Variants in KCND2 observed in about 807,000 individuals in gnomAD.
KCND2 encodes the protein potassium voltage-gated channel subfamily D member 2, also known as A-type voltage-gated potassium channel KCND2.
Under a neutral mutation model 54.4 loss-of-function variants are expected in KCND2, and 16 were observed. The ratio of observed to expected loss-of-function variants is 0.29; its 90% CI spans 0.20 to 0.45. The LOEUF (loss-of-function observed/expected upper bound fraction) is 0.45. KCND2 is among the 20% of genes least tolerant of loss of function. The pLI is 1.00. For synonymous variants in KCND2, 317 were observed against 310.7 expected (o/e 1.02, Z -0.21); for missense variants, 486 against 824.2 (o/e 0.59, Z 5.02).
At chr7:120,566,748 ATT>A in intron 1 of KCND2, among the ~76,000 whole-genome samples, 1 of 34,480 alleles carries the variant, frequency 2.9e-5, no homozygotes, top group African/African-American at 8.5e-5. Context: ...TAATATATAT[ATT>A]GTATATATTA....
chr7:120,408,256 A>T (rs1276585800), intron 1 of KCND2, among the ~76,000 whole-genome samples: 1 of 151,976 alleles, frequency 6.6e-6, no homozygotes, highest in Admixed American at 6.6e-5. Context: ...GCAGAATGAG[A>T]TGTGGGTTAG....
chr7:120,535,096 A>G (rs1315578269), intron 1 of KCND2, among the ~76,000 whole-genome samples: 2 of 152,254 alleles, frequency 1.3e-5, no homozygotes, highest in Middle Eastern at 3.4e-3. Context: ...AAACCTTGCT[A>G]TTATAGTAAT....
intron 1 of KCND2, among the ~76,000 whole-genome samples, chr7:120,728,762 G>A (rs527307291): frequency 6.6e-6 from 1 of 151,902 alleles, no homozygotes; most frequent in East Asian, 1.9e-4. Context: ...CAACGACTGA[G>A]TACATAATAT....
At chr7:120,475,985 TAATC>T (rs970492834) in intron 1 of KCND2, among the ~76,000 whole-genome samples, 6 of 152,368 alleles carry the variant, frequency 3.9e-5, no homozygotes, top group African/African-American at 1.4e-4. Flanking sequence ...CCTATCATCA[TAATC>T]AATCCTTAAA....
intron 1 of KCND2, among the ~76,000 whole-genome samples, chr7:120,425,774 A>G (rs998870630): frequency 5.9e-5 from 9 of 152,248 alleles, no homozygotes; most frequent in Middle Eastern, 3.2e-3. Flanking sequence ...CCCAGTTGCC[A>G]TGCTAGAGCA....
chr7:120,461,749 TA>T (rs1195732067), intron 1 of KCND2, among the ~76,000 whole-genome samples: 9 of 151,324 alleles, frequency 5.9e-5, no homozygotes, highest in South Asian at 4.2e-4. Flanking sequence ...TTCATTTTTT[TA>T]AAAAAAAACA....
Position 120,550,359 on chromosome 7 carries a change from G to A in KCND2, c.1116-182544G>A, listed in dbSNP as rs1012414124. ...AACATTCAGCGGTAAGTCAGAAATT[G>A]ACCAGAGATTGTTATCTCTTAGCCC... On this transcript the variant is annotated intron_variant, in intron 1 of 5. Coordinates refer to ENST00000331113, the MANE Select transcript of KCND2 (RefSeq NM_012281.3). 5.3e-5 allele frequency among the ~76,000 whole-genome samples: 8 copies of A among 152,098 alleles called. No individual in the cohort carries two copies. In the South Asian group the frequency reaches 1.7e-3, roughly 32 times the overall value.
intron 1 of KCND2, among the ~76,000 whole-genome samples, chr7:120,637,203 A>G (rs565433969): frequency 1.1e-4 from 16 of 152,258 alleles, no homozygotes; most frequent in African/African-American, 3.8e-4. Context: ...AGTCTTCATA[A>G]TCTGGAATCT....
chr7:120,342,037 C>A (rs748308792), intron 1 of KCND2, among the ~76,000 whole-genome samples: 1 of 152,062 alleles, frequency 6.6e-6, no homozygotes, highest in Non-Finnish European at 1.5e-5. Context: ...CTGTAGGAAT[C>A]ATTAAGTAAT....
At chr7:120,734,536 A>G (rs183891607) in intron 2 of KCND2, among the ~76,000 whole-genome samples, 1 of 152,204 alleles carries the variant, frequency 6.6e-6, no homozygotes, top group Non-Finnish European at 1.5e-5. Flanking sequence ...CACAAACACT[A>G]TGATAAAGTG....
intron 1 of KCND2, among the ~76,000 whole-genome samples, chr7:120,615,204 GT>G (rs548064049): frequency 6.6e-6 from 1 of 151,950 alleles, no homozygotes; most frequent in African/African-American, 2.4e-5. Flanking sequence ...GCTCTTCTTA[GT>G]TTTTTTTATT....
intron 1 of KCND2, among the ~76,000 whole-genome samples, chr7:120,639,586 A>G (rs1047838434): frequency 6.6e-6 from 1 of 152,208 alleles, no homozygotes; most frequent in African/African-American, 2.4e-5. Context: ...TTAATAGATT[A>G]ATGTCAATAC....
Position 120,452,963 on chromosome 7 carries a change from A to G in KCND2, c.1115+177216A>G, listed in dbSNP as rs573479668. On this transcript the variant is annotated intron_variant, in intron 1 of 5. Transcript: ENST00000331113. The stretch of plus-strand genomic sequence containing the variant: ...AACCTGGCCATTCCTGCTAGGCAGC[A>G]TGGCCTCAGATGCTCAAACGGGGTG... Among the ~76,000 whole-genome samples the G allele has an allele frequency of 4.6e-5, 7 of 152,128 alleles. No individual in the cohort carries two copies. In the South Asian group the frequency reaches 8.3e-4, roughly 18 times the overall value.
At chr7:120,454,041 G>A (rs945197051) in intron 1 of KCND2, among the ~76,000 whole-genome samples, 4 of 152,148 alleles carry the variant, frequency 2.6e-5, no homozygotes, top group South Asian at 2.1e-4. Context: ...CTGAGATCAC[G>A]CCACTGCACT....
intron 1 of KCND2, among the ~76,000 whole-genome samples, chr7:120,705,530 A>G (rs768661665): frequency 2.6e-5 from 4 of 152,128 alleles, no homozygotes; most frequent in Non-Finnish European, 4.4e-5. Context: ...GTCGATAATA[A>G]TGGCTACCTG....
At chr7:120,607,482 G>A (rs1370456385) in intron 1 of KCND2, among the ~76,000 whole-genome samples, 1 of 152,016 alleles carries the variant, frequency 6.6e-6, no homozygotes, top group Non-Finnish European at 1.5e-5. Context: ...ATAAACCATA[G>A]TAATTTTCAT....
intron 1 of KCND2, among the ~76,000 whole-genome samples, chr7:120,531,821 T>C (rs1405162507): frequency 6.6e-6 from 1 of 152,154 alleles, no homozygotes; most frequent in Admixed American, 6.6e-5. Flanking sequence ...TTTGATTTGT[T>C]TGCATATTTT....
chr7:120,498,886 CTGATATATACAATTT>C lies in KCND2; in HGVS notation c.1115+223142_1115+223156del, dbSNP rs533445684. Among the ~76,000 whole-genome samples, 42 of 152,196 alleles carry C rather than the reference CTGATATATACAATTT, an allele frequency of 2.8e-4. No individual in the cohort carries two copies. The South Asian group carries it at 8.3e-3, about 30-fold the overall frequency. On this transcript the variant is annotated intron_variant, in intron 1 of 5. Transcript: ENST00000331113. ...ATGTTGTCCGTGAGAATTAAGCTGA[CTGATATATACAATTT>C]TGTATTTTGTTTAGGGAAAATGAAT...
intron 1 of KCND2, among the ~76,000 whole-genome samples, chr7:120,698,767 C>T (rs1792363239): frequency 6.6e-6 from 1 of 152,148 alleles, no homozygotes; most frequent in South Asian, 2.1e-4. Context: ...AGGAATTTGG[C>T]AATAGATTCT....
Sources: gnomAD v4.1 joint callset for allele counts (sites outside exome capture counted in the v4.1 genomes callset) on GRCh38, gnomAD v4.1.1 for gene constraint, MANE v1.5 for transcripts, NCBI Gene and HGNC (gene_info 2026-07-23, HGNC 2026-07-21) for gene names.